The following PTPRO variants were observed in gnomAD, a reference collection of about 807,000 sequenced individuals.
The protein encoded by PTPRO is receptor-type tyrosine-protein phosphatase O.
Under a neutral mutation model 145.2 loss-of-function variants are expected in PTPRO, and 62 were observed. The observed-to-expected ratio is 0.43, with a 90% CI of 0.35 to 0.53. PTPRO has a LOEUF of 0.53. Among genes scored for constraint, PTPRO ranks in the 20% least tolerant of loss-of-function variants. The probability of loss-of-function intolerance (pLI) is 0.01; values close to 1 mark genes in which losing one functional copy is unlikely to be tolerated. For missense variants in PTPRO, 1,345 were observed against 1,482.7 expected (o/e 0.91, Z 1.53); for synonymous variants, 565 against 514.7 (o/e 1.10, Z -1.32).
rs143758515 is a variant in PTPRO at position 15,596,728 on chromosome 12, A to G, written c.*655A>G. 3 of 152,322 alleles carry G rather than the reference A, an allele frequency of 2.0e-5. No homozygotes were observed. The highest frequency in any genetic ancestry group is 7.2e-5 in the African/African-American group (3 of 41,558). 9.4% of individuals were successfully genotyped at this position (152,322 alleles called of 1,614,324 possible). A position where few individuals can be genotyped will look rare whatever the true frequency, so the allele number is the denominator to read the frequency against. Reference sequence around the variant, plus strand: ...CTATTCAAGCTATAATTCAGCTTCAAAGTAGAGTAGAAAAAAAATTGTCTT... The same window carrying G: ...CTATTCAAGCTATAATTCAGCTTCAGAGTAGAGTAGAAAAAAAATTGTCTT... On this transcript the variant is annotated 3_prime_UTR_variant, in exon 27 of 27. Coordinates refer to ENST00000281171, the MANE Select transcript of PTPRO (RefSeq NM_030667.3).
At chr12:15,560,103 T>C in intron 16 of PTPRO, 90 bp from the exon 17 acceptor site, 2 of 892,742 alleles carry the variant, frequency 2.2e-6, no homozygotes, top group Non-Finnish European at 3.8e-6. Flanking sequence ...TTAATCCCAA[T>C]AGGTAATTTA....
chr12:15,399,882 C>T (rs940441078), intron 1 of PTPRO, among the ~76,000 whole-genome samples: 1 of 151,224 alleles, frequency 6.6e-6, no homozygotes, highest in Non-Finnish European at 1.5e-5. Flanking sequence ...GAAACCTCAT[C>T]TCTACTAAAA....
At position 15,416,562 on chromosome 12, in the gene PTPRO, G is replaced by T. The variant is rs529124489; in HGVS notation, c.76-67412G>T. 2.6e-5 allele frequency among the ~76,000 whole-genome samples: 4 copies of T among 151,362 alleles called. No homozygotes were observed. The East Asian group carries it at 5.8e-4, about 22-fold the overall frequency. On this transcript the variant is annotated intron_variant, in intron 1 of 26. Transcript: ENST00000281171. ...TCTCGATCTCCTGACCTCATGATCT[G>T]CCTGCCTCGGCCTCCCAAAGTGCTG...
intron 1 of PTPRO, among the ~76,000 whole-genome samples, chr12:15,376,993 G>A (rs1470310263): frequency 6.6e-6 from 1 of 152,124 alleles, no homozygotes; most frequent in Non-Finnish European, 1.5e-5. Flanking sequence ...TGCAGCAATT[G>A]TTAAACTGTG....
intron 2 of PTPRO, among the ~76,000 whole-genome samples, chr12:15,488,248 T>C (rs1269031177): frequency 6.6e-6 from 1 of 152,200 alleles, no homozygotes; most frequent in Non-Finnish European, 1.5e-5. Flanking sequence ...TTAAATATTA[T>C]CTTGTACCTC....
intron 6 of PTPRO, among the ~76,000 whole-genome samples, chr12:15,504,734 T>C (rs950319775): frequency 2.0e-5 from 3 of 152,218 alleles, no homozygotes; most frequent in Non-Finnish European, 2.9e-5. Flanking sequence ...GAGTTATATG[T>C]GCCTCCGATC....
chr12:15,561,496 G>C (rs1054176443), intron 17 of PTPRO, among the ~76,000 whole-genome samples: 1 of 152,098 alleles, frequency 6.6e-6, no homozygotes, highest in African/African-American at 2.4e-5. Context: ...AAACAAAGTA[G>C]ACATGATGTG....
intron 12 of PTPRO, among the ~76,000 whole-genome samples, chr12:15,527,137 C>G (rs1264983395): frequency 6.6e-6 from 1 of 152,174 alleles, no homozygotes; most frequent in East Asian, 1.9e-4. Flanking sequence ...AATATACACT[C>G]TGAGATTTTC....
chr12:15,450,086 A>G (rs577926687), intron 1 of PTPRO, among the ~76,000 whole-genome samples: 13 of 152,124 alleles, frequency 8.5e-5, no homozygotes, highest in Non-Finnish European at 1.5e-4. Context: ...TTATACATCT[A>G]TGTTCATGTC....
rs989197584 is a variant in PTPRO at position 15,566,158 on chromosome 12, T to C, written c.2747+530T>C. Among the ~76,000 whole-genome samples, 4 of 152,188 alleles carry C rather than the reference T, an allele frequency of 2.6e-5. No individual in the cohort carries two copies. In the East Asian group the frequency reaches 7.7e-4, roughly 29 times the overall value. ...TAAATGAGAAGAATTACTATTGTGG[T>C]AAGTGAAAATTAACCCCCAGTTGAT... On this transcript the variant is annotated intron_variant, in intron 18 of 26. Coordinates refer to ENST00000281171, the MANE Select transcript of PTPRO (RefSeq NM_030667.3).
At chr12:15,406,695 A>G (rs895201004) in intron 1 of PTPRO, among the ~76,000 whole-genome samples, 2 of 152,214 alleles carry the variant, frequency 1.3e-5, no homozygotes, top group Admixed American at 1.3e-4. Flanking sequence ...AATAAATGCT[A>G]TAAATGCAAA....
intron 1 of PTPRO, among the ~76,000 whole-genome samples, chr12:15,339,796 T>C (rs1320607706): frequency 6.6e-6 from 1 of 152,202 alleles, no homozygotes; most frequent in African/African-American, 2.4e-5. Context: ...TTCATATATA[T>C]ATGCTCCCAT....
intron 15 of PTPRO, among the ~76,000 whole-genome samples, chr12:15,554,929 T>G (rs1157916162): frequency 6.6e-6 from 1 of 152,028 alleles, no homozygotes; most frequent in Non-Finnish European, 1.5e-5. Context: ...AAAGAGAATT[T>G]TTGGTTGAAG....
At chr12:15,561,123 A>G (rs1001721750) in intron 17 of PTPRO, among the ~76,000 whole-genome samples, 1 of 152,098 alleles carries the variant, frequency 6.6e-6, no homozygotes, top group African/African-American at 2.4e-5. Context: ...CAAGAAAATC[A>G]TTGTCCTTAA....
chr12:15,569,550 T>C (rs1390022053), intron 19 of PTPRO, 52 bp downstream of exon 19: 8 of 1,495,342 alleles, frequency 5.3e-6, no homozygotes, highest in African/African-American at 4.2e-5. Flanking sequence ...GGCCTGGGAA[T>C]TGGGGGGTTT....
chr12:15,455,681 C>T lies in PTPRO; in HGVS notation c.76-28293C>T, dbSNP rs74638892. On this transcript the variant is annotated intron_variant, in intron 1 of 26. Coordinates refer to ENST00000281171, the MANE Select transcript of PTPRO (RefSeq NM_030667.3). ...GATTCATTATTAATATTTAGAAATG[C>T]AGCTGATTTTGTATGTTGATTTTGT... 2.4e-3 allele frequency among the ~76,000 whole-genome samples: 359 copies of T among 152,170 alleles called. 3 individuals are homozygous for T. The highest frequency in any genetic ancestry group is 8.3e-3 in the African/African-American group (345 of 41,510).
chr12:15,376,082 A>C (rs1429535809), intron 1 of PTPRO, among the ~76,000 whole-genome samples: 1 of 152,166 alleles, frequency 6.6e-6, no homozygotes, highest in Non-Finnish European at 1.5e-5. Context: ...AGGGCAGAAA[A>C]AATATTTGAA....
rs73307809 is a variant in PTPRO, at chr12:15,467,319, T to C, written c.76-16655T>C. On this transcript the variant is annotated intron_variant, in intron 1 of 26. Coordinates refer to ENST00000281171, the MANE Select transcript of PTPRO (RefSeq NM_030667.3). ...GCCCACAGTCATCTCATACTTTATA[T>C]ATATCAAACTGAACTAATGATATAT... Among the ~76,000 whole-genome samples, 897 of 152,220 alleles carry C rather than the reference T, an allele frequency of 5.9e-3. 10 individuals are homozygous for C. Among genetic ancestry groups the C allele is most frequent in the African/African-American group, 0.02 (851 of 41,538 alleles).
chr12:15,446,096 A>T (rs1450539458), intron 1 of PTPRO, among the ~76,000 whole-genome samples: 1 of 152,158 alleles, frequency 6.6e-6, no homozygotes, highest in Non-Finnish European at 1.5e-5. Context: ...ATTCAGAACA[A>T]TGCATAATAG....
Sources: allele counts gnomAD v4.1 joint callset (sites outside exome capture counted in the v4.1 genomes callset), GRCh38; gene constraint gnomAD v4.1.1; transcripts MANE v1.5; gene names NCBI Gene and HGNC (gene_info 2026-07-23, HGNC 2026-07-21).